The following NOTCH1 variants were observed in gnomAD, a reference collection of about 807,000 sequenced individuals.
NOTCH1 encodes the protein notch receptor 1, also known as neurogenic locus notch homolog protein 1.
NOTCH1 carries 37 observed loss-of-function variants against 254.8 expected under a neutral mutation model. That is an observed-to-expected ratio of 0.15 (90% CI 0.11 to 0.19). NOTCH1 has a LOEUF of 0.19. NOTCH1 is among the 10% of genes least tolerant of loss of function. The probability of loss-of-function intolerance (pLI) is 1.00; values close to 1 mark genes in which losing one functional copy is unlikely to be tolerated. For missense variants in NOTCH1, 2,972 were observed against 3,708.6 expected, an observed-to-expected ratio of 0.80 and a Z score of 5.16; for synonymous variants, 1,731 against 1,618.1, an observed-to-expected ratio of 1.07 and a Z score of -1.68.
At chr9:136,515,866 T>C in intron 10 of NOTCH1, 115 bp downstream of exon 10, 1 of 1,146,732 alleles carries the variant, frequency 8.7e-7, no homozygotes, top group Non-Finnish European at 1.3e-6. Context: ...AGCTGTGCTC[T>C]CGGCCTCTGG....
chr9:136,513,648 C>CA lies in NOTCH1; in HGVS notation c.2208-112dup. On this transcript the variant is annotated intron_variant, in intron 13 of 33. Coordinates refer to ENST00000651671, the MANE Select transcript of NOTCH1 (RefSeq NM_017617.5). This position sits in a 1 kb window ranked among gnomAD's most constrained non-coding sequence, Gnocchi z 4.7. ...GGGCTGGCGGAGGTGCCCATCCACT[C>CA]AGACTCGCAGAGTCCTTTAGTGGGG... is the stretch of plus-strand genomic sequence containing the variant. 8.1e-7 allele frequency: 1 copy of CA among 1,231,346 alleles called. No individual in the cohort carries two copies. Among genetic ancestry groups the CA allele is most frequent in the Non-Finnish European group, 1.2e-6 (1 of 865,070 alleles). The allele number at this position is 1,231,346 out of a possible 1,614,324, so 76.3% of individuals were successfully genotyped here.
chr9:136,530,183 T>C (rs1843537293), intron 2 of NOTCH1, among the ~76,000 whole-genome samples: 1 of 152,012 alleles, frequency 6.6e-6, no homozygotes, highest in Non-Finnish European at 1.5e-5. Context: ...CCAGCCGGGG[T>C]CTGAGCCGGG....
chr9:136,544,185 T>G (rs1589084212), intron 1 of NOTCH1, 83 bp from the exon 2 acceptor site: 1 of 1,283,042 alleles, frequency 7.8e-7, no homozygotes, highest in Non-Finnish European at 1.1e-6. Flanking sequence ...GGCGGGGACC[T>G]GCACCCAGCC....
At chr9:136,508,498 A>G (rs1328525202) in intron 19 of NOTCH1, 113 bp from the exon 20 acceptor site, 11 of 1,490,840 alleles carry the variant, frequency 7.4e-6, no homozygotes, top group Middle Eastern at 2.2e-4. Context: ...CCCATTCTAC[A>G]GAAGTGGAAA....
intron 2 of NOTCH1, among the ~76,000 whole-genome samples, chr9:136,532,844 A>G (rs1409690317): frequency 6.6e-6 from 1 of 152,194 alleles, no homozygotes. Flanking sequence ...CACACCTGGA[A>G]GGGGGAAGGT....
rs1200996550 is a variant in NOTCH1 at position 136,502,092 on chromosome 9, G to T, written c.5385-4C>A. The T allele has an allele frequency of 6.2e-7, 1 of 1,613,008 alleles. No homozygotes were observed. The highest frequency in any genetic ancestry group is 8.5e-7 in the Non-Finnish European group (1 of 1,179,956). On this transcript the variant is annotated splice_region_variant and splice_polypyrimidine_tract_variant and intron_variant, in intron 28 of 33. Transcript: ENST00000651671. ...GTCTGAAGCGTTCTTCAGGGGCCTG[G>T]GGGGTGAGGGGTCGAGAAGTGAGGC...
rs1006365357 is a variant in NOTCH1, at chr9:136,544,253, G to A, written c.62-151C>T. ...ACTCTGCTCAGTATCATGGGTTGCT[G>A]GGGCACGGGTCCGCAGGAAGCCCCT... On this transcript the variant is annotated intron_variant, in intron 1 of 33. Transcript: ENST00000651671. 6.6e-6 allele frequency: 5 copies of A among 758,298 alleles called. No homozygotes were observed. In the African/African-American group the frequency reaches 8.6e-5, roughly 13 times the overall value. 47.0% of individuals were successfully genotyped at this position (758,298 alleles called of 1,614,324 possible).
chr9:136,510,677 T>C lies in NOTCH1; in HGVS notation c.2716A>G (p.Thr906Ala), dbSNP rs1426961140. 2 of 1,608,860 alleles carry C rather than the reference T, an allele frequency of 1.2e-6. No individual in the cohort carries two copies. Among genetic ancestry groups the C allele is most frequent in the African/African-American group, 2.7e-5 (2 of 74,892 alleles). Residue 906 changes from threonine (T) to alanine (A), a missense_variant, in exon 17 of 34, where the codon ACC (threonine) becomes GCC (alanine). Thr to Ala is a moderately conservative substitution (Grantham distance 58). Transcript: ENST00000651671. The part of the protein sequence containing the change: ...QAGYSGRNCE[T>A]DIDDCRPNPC... Reference sequence around the variant, plus strand: ...CTGGGCCGGCAGTCGTCGATGTCGGTCTCGCAGTTGCGCCCACTGTAGCCG... The same window carrying C: ...CTGGGCCGGCAGTCGTCGATGTCGGCCTCGCAGTTGCGCCCACTGTAGCCG...
rs2133347463 is a variant in NOTCH1, at chr9:136,508,320, G to T, written c.3237C>A (p.Thr1079=). Reference sequence around the variant, plus strand: ...CGCTGGGGCACTCGCAGCGGTACTGGGTGTGGGTCTGCCAGCATTTGCCGC... The same window carrying T: ...CGCTGGGGCACTCGCAGCGGTACTGTGTGTGGGTCTGCCAGCATTTGCCGC... ...KNGGKCWQTH[T]QYRCECPSGW... is the part of the protein sequence containing the mutation. The change falls in exon 20 of 34, where the codon ACC becomes ACA. Residue 1079 remains threonine (T), a synonymous_variant. Transcript: ENST00000651671. 1 of 1,613,034 alleles carries T rather than the reference G, an allele frequency of 6.2e-7. No individual in the cohort carries two copies. The highest frequency in any genetic ancestry group is 8.5e-7 in the Non-Finnish European group (1 of 1,180,000).
chr9:136,525,612 C>T (rs1239765696), intron 2 of NOTCH1, among the ~76,000 whole-genome samples: 1 of 152,234 alleles, frequency 6.6e-6, no homozygotes, highest in African/African-American at 2.4e-5. Context: ...GGCCGCCTGC[C>T]CCAGGACCGG....
intron 2 of NOTCH1, among the ~76,000 whole-genome samples, chr9:136,534,006 G>C (rs1564209827): frequency 6.6e-6 from 1 of 152,216 alleles, no homozygotes; most frequent in Non-Finnish European, 1.5e-5. Flanking sequence ...CGGGGAAGAG[G>C]GCAGGAAGCT....
At chr9:136,516,832 G>T (rs1443227139) in intron 9 of NOTCH1, among the ~76,000 whole-genome samples, 1 of 152,176 alleles carries the variant, frequency 6.6e-6, no homozygotes. Context: ...CTTCCTTCGG[G>T]GAAGTCTGAA....
intron 2 of NOTCH1, among the ~76,000 whole-genome samples, chr9:136,530,095 C>T (rs1037215035): frequency 2.0e-5 from 3 of 152,202 alleles, no homozygotes; most frequent in Admixed American, 6.5e-5. Flanking sequence ...AAACAGCCGC[C>T]GCTCCGGAGA....
chr9:136,495,776 T>G lies in NOTCH1; in HGVS notation c.*295A>C. 1 of 418,866 alleles carries G rather than the reference T, an allele frequency of 2.4e-6. No individual in the cohort carries two copies. Among genetic ancestry groups the G allele is most frequent in the Non-Finnish European group, 4.2e-6 (1 of 236,002 alleles). The allele number at this position is 418,866 out of a possible 1,614,324, so 25.9% of individuals were successfully genotyped here. A position where few individuals can be genotyped will look rare whatever the true frequency, so the allele number is the denominator to read the frequency against. ...TTTATATTTTATAAACACAGAAGAA[T>G]CTTTTCATCCTACGTAGGAAAACCC... is the stretch of plus-strand genomic sequence containing the variant. On this transcript the variant is annotated 3_prime_UTR_variant, in exon 34 of 34. Coordinates refer to ENST00000651671, the MANE Select transcript of NOTCH1 (RefSeq NM_017617.5).
At position 136,545,686 on chromosome 9, in the gene NOTCH1, G is replaced by A. The variant is rs1035249011; in HGVS notation, c.61+40C>T. On this transcript the variant is annotated intron_variant, in intron 1 of 33. Coordinates refer to ENST00000651671, the MANE Select transcript of NOTCH1 (RefSeq NM_017617.5). The surrounding 1 kb of genome is among the most constrained non-coding windows in gnomAD (Gnocchi z 6.8). ...CCGGGCGCCGCCAAAGTTTCCAAAGGGCGCGGAAAGTGGGGGCTCGCGGGT... is the reference window on the plus strand; with the variant it reads ...CCGGGCGCCGCCAAAGTTTCCAAAGAGCGCGGAAAGTGGGGGCTCGCGGGT... 3 of 1,435,370 alleles carry A rather than the reference G, an allele frequency of 2.1e-6. No individual in the cohort carries two copies. Among genetic ancestry groups the A allele is most frequent in the Non-Finnish European group, 2.7e-6 (3 of 1,096,276 alleles). 88.9% of individuals were successfully genotyped at this position (1,435,370 alleles called of 1,614,324 possible).
chr9:136,520,572 A>G (rs972886425), intron 4 of NOTCH1, among the ~76,000 whole-genome samples: 19 of 151,852 alleles, frequency 1.3e-4, no homozygotes, highest in Admixed American at 2.0e-4. Flanking sequence ...CGTCTCTACA[A>G]AAAAAAATAC....
At chr9:136,518,517 C>T in intron 6 of NOTCH1, 74 bp downstream of exon 6, 1 of 1,398,540 alleles carries the variant, frequency 7.2e-7, no homozygotes, top group Admixed American at 1.9e-5. Context: ...GGCCACAGTC[C>T]CTGGGTGAGG....
chr9:136,533,940 C>T (rs1172776278), intron 2 of NOTCH1, among the ~76,000 whole-genome samples: 1 of 152,262 alleles, frequency 6.6e-6, no homozygotes, highest in African/African-American at 2.4e-5. Context: ...CCCGCCGTGG[C>T]TCCCTGGGCG....
At chr9:136,524,689 G>A (rs1843432665) in intron 2 of NOTCH1, among the ~76,000 whole-genome samples, 1 of 146,360 alleles carries the variant, frequency 6.8e-6, no homozygotes, top group Non-Finnish European at 1.5e-5. Context: ...CCAGGCTGGA[G>A]TGCAGGGGCG....
Sources: gnomAD v4.1 joint callset for allele counts (sites outside exome capture counted in the v4.1 genomes callset) on GRCh38, gnomAD v4.1.1 for gene constraint, Gnocchi (gnomAD v3.1) non-coding constraint, MANE v1.5 for transcripts, NCBI Gene and HGNC (gene_info 2026-07-23, HGNC 2026-07-21) for gene names.